The following CHRDL2 variants were observed in gnomAD, a reference collection of about 807,000 sequenced individuals.
The protein encoded by CHRDL2 is chordin-like protein 2.
A neutral mutation model predicts 54.3 loss-of-function variants in CHRDL2; 41 were observed. That is an observed-to-expected ratio of 0.76 (90% CI 0.59 to 0.98). The LOEUF (loss-of-function observed/expected upper bound fraction) is 0.98, where lower values mean the gene tolerates loss of function less well. Ranked by LOEUF, CHRDL2 falls within the 50% of genes least tolerant of loss-of-function variation. The pLI is 0.00. For missense variants in CHRDL2, 518 were observed against 562.4 expected, an observed-to-expected ratio of 0.92 and a Z score of 0.80; for synonymous variants, 220 against 224.3, an observed-to-expected ratio of 0.98 and a Z score of 0.17.
intron 6 of CHRDL2, among the ~76,000 whole-genome samples, chr11:74,705,702 A>G (rs2033988027): frequency 1.3e-5 from 2 of 152,130 alleles, no homozygotes; most frequent in Admixed American, 1.3e-4. Context: ...GACAGGAAGG[A>G]AAGTGGAGGG....
In CHRDL2 at chr11:74,731,349, G is replaced by A. The variant is rs923533390; in HGVS notation, c.-461C>T. On this transcript the variant is annotated 5_prime_UTR_variant, in exon 1 of 11. Transcript: ENST00000376332. The surrounding 1 kb of genome is among the most constrained non-coding windows in gnomAD (Gnocchi z 4.4). ...GGGCCGCGGGGGCCTGGGGCCCGGC[G>A]GGGCGGCGGTCCCAGCAGCGGCGGC... The A allele has an allele frequency of 6.7e-6, 1 of 148,272 alleles. No homozygotes were observed. The highest frequency in any genetic ancestry group is 1.5e-5 in the Non-Finnish European group (1 of 66,334). 9.2% of individuals were successfully genotyped at this position (148,272 alleles called of 1,614,324 possible). A position where few individuals can be genotyped will look rare whatever the true frequency, so the allele number is the denominator to read the frequency against.
rs1565156530 is a variant in CHRDL2 at position 74,717,117 on chromosome 11, A to AAC, written c.195+1602_195+1603insGT. Among the ~76,000 whole-genome samples the AAC allele has an allele frequency of 4.6e-3, 650 of 142,534 alleles. 4 individuals are homozygous for AAC. The highest frequency in any genetic ancestry group is 0.015 in the African/African-American group (614 of 39,924). The allele number at this position is 142,534 out of a possible 152,430, so 93.5% of individuals were successfully genotyped here. The stretch of plus-strand genomic sequence containing the variant: ...TCAAACAAACAAACAAACAAAAAAA[A>AAC]AAAACCATTCTCACTGCCGCGTGGA... On this transcript the variant is annotated intron_variant, in intron 2 of 10. Coordinates refer to ENST00000376332, the MANE Select transcript of CHRDL2 (RefSeq NM_001278473.3).
intron 2 of CHRDL2, among the ~76,000 whole-genome samples, chr11:74,717,523 G>T (rs1477252762): frequency 5.3e-5 from 8 of 152,278 alleles, no homozygotes; most frequent in African/African-American, 1.9e-4. Flanking sequence ...CAGTCATGGT[G>T]GGGGTTGTGT....
chr11:74,719,066 C>G (rs2034440534), intron 1 of CHRDL2: 3 of 501,502 alleles, frequency 6.0e-6, no homozygotes, highest in Non-Finnish European at 1.1e-5. Flanking sequence ...TGTCTCTGAG[C>G]CTTAACGCTT....
chr11:74,721,643 C>T (rs892031566), intron 1 of CHRDL2, among the ~76,000 whole-genome samples: 1 of 152,260 alleles, frequency 6.6e-6, no homozygotes, highest in Non-Finnish European at 1.5e-5. Flanking sequence ...TGCCAGACGG[C>T]GACAGGCCGC....
intron 2 of CHRDL2, among the ~76,000 whole-genome samples, chr11:74,715,738 G>C (rs2135264753): frequency 6.6e-6 from 1 of 152,152 alleles, no homozygotes; most frequent in Non-Finnish European, 1.5e-5. Context: ...CAGCACTTTG[G>C]GATGCCAAGG....
Position 74,697,369 on chromosome 11 carries a change from C to T in CHRDL2, c.1121-72G>A, listed in dbSNP as rs565372196. 25 of 1,119,710 alleles carry T rather than the reference C, an allele frequency of 2.2e-5. No homozygotes were observed. In the Middle Eastern group the frequency reaches 7.8e-4, roughly 35 times the overall value. 69.4% of individuals were successfully genotyped at this position (1,119,710 alleles called of 1,614,324 possible). On this transcript the variant is annotated intron_variant, in intron 9 of 10. Transcript: ENST00000376332. The stretch of plus-strand genomic sequence containing the variant: ...GTCGGTGAAAAGTGAAACAGGGTGA[C>T]TTAGCACAGAACGGACCCAATCACT...
At chr11:74,697,146 C>G in intron 10 of CHRDL2, 59 bp downstream of exon 10, 1 of 1,398,000 alleles carries the variant, frequency 7.2e-7, no homozygotes, top group South Asian at 1.2e-5. Context: ...CCGAAAGGCT[C>G]TGGCCCGTGT....
At chr11:74,700,241 A>G (rs527980708) in intron 9 of CHRDL2, among the ~76,000 whole-genome samples, 1 of 152,268 alleles carries the variant, frequency 6.6e-6, no homozygotes, top group African/African-American at 2.4e-5. Flanking sequence ...TACATTATAC[A>G]TAGTGCCTGC....
chr11:74,704,789 G>A (rs937037424), intron 6 of CHRDL2, 135 bp from the exon 7 acceptor site: 4 of 824,978 alleles, frequency 4.8e-6, no homozygotes, highest in Non-Finnish European at 7.8e-6. Context: ...AGAAGGTAGA[G>A]ACCAGGGATA....
chr11:74,696,568 G>A lies in CHRDL2; in HGVS notation c.1231C>T (p.Leu411=). The change falls in exon 11 of 11, where the codon CTA becomes TTA. Residue 411 remains leucine (L), a synonymous_variant. Transcript: ENST00000376332. ...GPHEGHWNVF[L]AQTLELKVTA... ...ACCTTCAGCTCCAGGGTCTGGGCTA[G>A]GAAGACGTTCCAGTGACCTGCATGG... 6.2e-7 allele frequency: 1 copy of A among 1,613,938 alleles called. No individual in the cohort carries two copies. The highest frequency in any genetic ancestry group is 8.5e-7 in the Non-Finnish European group (1 of 1,179,970).
At chr11:74,719,316 T>A (rs2034447723) in intron 1 of CHRDL2, 1 of 160,044 alleles carries the variant, frequency 6.2e-6, no homozygotes, top group Admixed American at 6.4e-5. Flanking sequence ...TTTGGCTTAT[T>A]TAGTACATCA....
intron 1 of CHRDL2, among the ~76,000 whole-genome samples, chr11:74,722,687 G>C (rs2034516921): frequency 6.6e-6 from 1 of 152,116 alleles, no homozygotes; most frequent in African/African-American, 2.4e-5. Context: ...CACACACTGA[G>C]GCCAAATCTC....
chr11:74,710,737 T>G, intron 4 of CHRDL2, 112 bp downstream of exon 4: 1 of 1,349,828 alleles, frequency 7.4e-7, no homozygotes. Flanking sequence ...CTGAGCCCAT[T>G]CATTTTGCTT....
intron 9 of CHRDL2, among the ~76,000 whole-genome samples, chr11:74,700,435 C>T (rs934150767): frequency 2.6e-5 from 4 of 152,010 alleles, no homozygotes; most frequent in Non-Finnish European, 4.4e-5. Flanking sequence ...CCATCCTTCA[C>T]GAAGCCTTCC....
intron 6 of CHRDL2, chr11:74,704,865 G>T: frequency 1.7e-6 from 1 of 583,178 alleles, no homozygotes; most frequent in Non-Finnish European, 3.0e-6. Flanking sequence ...TCAGAGGATA[G>T]TGATTTGGAA....
In CHRDL2 at chr11:74,710,964, G is replaced by T; in HGVS notation, c.317C>A (p.Ala106Asp). The change falls in exon 4 of 11, where the codon GCC (alanine) becomes GAC (aspartate). Residue 106 changes from alanine to aspartate, a missense_variant. Physicochemically the swap from Ala to Asp is moderately radical, Grantham distance 126 (BLOSUM62 -2). Coordinates refer to ENST00000376332, the MANE Select transcript of CHRDL2 (RefSeq NM_001278473.3). ...GTTGTGCTGGCAGGACTTTGGTGGG[G>T]CCCGGAGTCCAGAGGGAGTGTGAGG... ...VEPHTPSGLR[A>D]PPKSCQHNGT... The T allele has an allele frequency of 6.2e-7, 1 of 1,614,114 alleles. No individual in the cohort carries two copies. Among genetic ancestry groups the T allele is most frequent in the Admixed American group, 1.7e-5 (1 of 60,016 alleles).
At chr11:74,699,408 G>A (rs2033725106) in intron 9 of CHRDL2, 1 of 152,384 alleles carries the variant, frequency 6.6e-6, no homozygotes, top group African/African-American at 2.4e-5. Context: ...CCTCAAAGCA[G>A]AGCTGGCACC....
At chr11:74,728,987 C>T (rs2135281849) in intron 1 of CHRDL2, among the ~76,000 whole-genome samples, 1 of 152,292 alleles carries the variant, frequency 6.6e-6, no homozygotes, top group East Asian at 1.9e-4. Flanking sequence ...CAGGGAGGCA[C>T]AGACGAGGGA....
Sources: allele counts gnomAD v4.1 joint callset (sites outside exome capture counted in the v4.1 genomes callset), GRCh38; gene constraint gnomAD v4.1.1; non-coding constraint Gnocchi (gnomAD v3.1); transcripts MANE v1.5; gene names NCBI Gene and HGNC (gene_info 2026-07-23, HGNC 2026-07-21).